Variants in NUBPL observed in about 807,000 individuals in gnomAD.
NUBPL encodes iron-sulfur cluster transfer protein NUBPL.
A neutral mutation model predicts 45.7 loss-of-function variants in NUBPL; 31 were observed. The observed-to-expected ratio is 0.68, with a 90% CI of 0.51 to 0.92. The LOEUF (loss-of-function observed/expected upper bound fraction) is 0.92. Ranked by LOEUF, NUBPL falls within the 40% of genes least tolerant of loss-of-function variation. The pLI is 0.00. For missense variants in NUBPL, 401 were observed against 398.7 expected, an observed-to-expected ratio of 1.01 and a Z score of -0.05; for synonymous variants, 144 against 140.9, an observed-to-expected ratio of 1.02 and a Z score of -0.15.
At chr14:31,737,751 T>A (rs778927878) in intron 6 of NUBPL, among the ~76,000 whole-genome samples, 1 of 152,178 alleles carries the variant, frequency 6.6e-6, no homozygotes, top group Non-Finnish European at 1.5e-5. Context: ...GCCACTTCGC[T>A]CTAGCCTGGG....
intron 8 of NUBPL, among the ~76,000 whole-genome samples, chr14:31,843,110 C>G (rs1211249597): frequency 6.6e-6 from 1 of 152,156 alleles, no homozygotes; most frequent in Admixed American, 6.5e-5. Context: ...CTGTATTGTT[C>G]AACACCCTGG....
intron 3 of NUBPL, among the ~76,000 whole-genome samples, chr14:31,572,978 C>T (rs1056978713): frequency 1.3e-5 from 2 of 152,148 alleles, no homozygotes; most frequent in Non-Finnish European, 2.9e-5. Flanking sequence ...CAAAATGGTA[C>T]CCCTGCATAG....
chr14:31,676,014 T>C (rs1283660296), intron 6 of NUBPL, among the ~76,000 whole-genome samples: 1 of 151,942 alleles, frequency 6.6e-6, no homozygotes, highest in East Asian at 1.9e-4. Context: ...AATAGGATTA[T>C]ACAGGATGTA....
intron 7 of NUBPL, among the ~76,000 whole-genome samples, chr14:31,817,113 T>C (rs2039933441): frequency 6.6e-6 from 1 of 151,874 alleles, no homozygotes; most frequent in Admixed American, 6.6e-5. Context: ...AAATAAAGCA[T>C]GAAGACAAAA....
At chr14:31,808,139 G>T (rs1443650756) in intron 7 of NUBPL, among the ~76,000 whole-genome samples, 4 of 152,172 alleles carry the variant, frequency 2.6e-5, no homozygotes, top group African/African-American at 4.8e-5. Context: ...CTTGAAAGTA[G>T]TTTTTTCCAG....
At chr14:31,658,405 G>A (rs1288640866) in intron 4 of NUBPL, among the ~76,000 whole-genome samples, 1 of 152,122 alleles carries the variant, frequency 6.6e-6, no homozygotes, top group Non-Finnish European at 1.5e-5. Flanking sequence ...GCCATATGAA[G>A]ACAGTTTGCC....
intron 3 of NUBPL, among the ~76,000 whole-genome samples, chr14:31,595,424 A>G (rs973074746): frequency 6.6e-6 from 1 of 152,206 alleles, no homozygotes; most frequent in Non-Finnish European, 1.5e-5. Context: ...TATTTTTGCT[A>G]ATAGTAATTT....
intron 6 of NUBPL, among the ~76,000 whole-genome samples, chr14:31,753,923 A>G (rs574206109): frequency 4.6e-5 from 7 of 152,186 alleles, no homozygotes; most frequent in Non-Finnish European, 8.8e-5. Flanking sequence ...TAAGTCAGAG[A>G]CCATATATAC....
chr14:31,855,339 A>G (rs879681801), intron 10 of NUBPL, among the ~76,000 whole-genome samples: 1 of 152,242 alleles, frequency 6.6e-6, no homozygotes, highest in Non-Finnish European at 1.5e-5. Flanking sequence ...ACAGCAGAGA[A>G]GAACCCATTT....
chr14:31,564,161 T>C (rs2033373036), intron 2 of NUBPL, among the ~76,000 whole-genome samples: 1 of 152,252 alleles, frequency 6.6e-6, no homozygotes, highest in Admixed American at 6.5e-5. Context: ...AGTCTTTGAA[T>C]TGTGTTACTC....
chr14:31,846,059 C>T (rs982290495), intron 8 of NUBPL: 26 of 257,502 alleles, frequency 1.0e-4, no homozygotes, highest in African/African-American at 6.0e-4. Context: ...CCTTGACCAC[C>T]CACTGGGTTG....
chr14:31,664,804 A>G (rs1011479533), intron 4 of NUBPL, among the ~76,000 whole-genome samples: 5 of 152,206 alleles, frequency 3.3e-5, no homozygotes, highest in African/African-American at 9.7e-5. Context: ...TAGTTTCAGA[A>G]GGAATGGTAG....
chr14:31,808,081 G>A (rs1034801326), intron 7 of NUBPL, among the ~76,000 whole-genome samples: 19 of 152,106 alleles, frequency 1.2e-4, no homozygotes, highest in African/African-American at 4.1e-4. Flanking sequence ...CGTTCTTTTG[G>A]CTTAGGATTG....
At chr14:31,852,400 C>T (rs1228013155) in intron 10 of NUBPL, among the ~76,000 whole-genome samples, 6 of 152,160 alleles carry the variant, frequency 3.9e-5, no homozygotes, top group East Asian at 1.9e-4. Flanking sequence ...AGGCCCGGCA[C>T]GGTGGCTCAC....
intron 7 of NUBPL, among the ~76,000 whole-genome samples, chr14:31,805,837 T>G (rs1324065385): frequency 6.6e-6 from 1 of 152,126 alleles, no homozygotes; most frequent in Non-Finnish European, 1.5e-5. Flanking sequence ...TGAAATAATC[T>G]GTACAACAAA....
At chr14:31,771,750 C>A in intron 6 of NUBPL, 2 of 282,866 alleles carry the variant, frequency 7.1e-6, no homozygotes, top group Non-Finnish European at 1.1e-5. Flanking sequence ...TTATAATAGG[C>A]TCTCAATAAC....
chr14:31,847,306 G>A (rs1418126665), intron 9 of NUBPL, among the ~76,000 whole-genome samples: 1 of 152,218 alleles, frequency 6.6e-6, no homozygotes, highest in Non-Finnish European at 1.5e-5. Context: ...TAGTGCATAT[G>A]TAAAAATGCC....
At chr14:31,572,843 G>T (rs2033624204) in intron 3 of NUBPL, among the ~76,000 whole-genome samples, 1 of 152,122 alleles carries the variant, frequency 6.6e-6, no homozygotes, top group Admixed American at 6.5e-5. Context: ...TAACCTATTT[G>T]TCCTAGGCTA....
intron 2 of NUBPL, among the ~76,000 whole-genome samples, chr14:31,564,742 T>G (rs1263485722): frequency 6.6e-6 from 1 of 152,156 alleles, no homozygotes; most frequent in Non-Finnish European, 1.5e-5. Context: ...GTAACAGAAA[T>G]GGATTTTTAA....
Sources: gnomAD v4.1 joint callset for allele counts (sites outside exome capture counted in the v4.1 genomes callset) on GRCh38, gnomAD v4.1.1 for gene constraint, MANE v1.5 for transcripts, NCBI Gene and HGNC (gene_info 2026-07-23, HGNC 2026-07-21) for gene names.